Variants in CHERP observed in about 807,000 individuals in gnomAD.
CHERP encodes the protein calcium homeostasis endoplasmic reticulum protein.
A neutral mutation model predicts 113.8 loss-of-function variants in CHERP; 8 were observed. That is an observed-to-expected ratio of 0.07 (90% CI 0.04 to 0.13). The LOEUF (loss-of-function observed/expected upper bound fraction) is 0.13. CHERP is among the 10% of genes least tolerant of loss of function. The pLI, the probability that CHERP is intolerant of heterozygous loss-of-function variation, is 1.00. For missense variants in CHERP, 884 were observed against 1,298.2 expected, an observed-to-expected ratio of 0.68 and a Z score of 4.90; for synonymous variants, 559 against 524.5, an observed-to-expected ratio of 1.07 and a Z score of -0.90.
At position 16,525,344 on chromosome 19, in the gene CHERP, A is replaced by G; in HGVS notation, c.1639T>C (p.Phe547Leu). 6.8e-7 allele frequency: 1 copy of G among 1,480,358 alleles called. No individual in the cohort carries two copies. The highest frequency in any genetic ancestry group is 9.0e-7 in the Non-Finnish European group (1 of 1,114,388). The allele number at this position is 1,480,358 out of a possible 1,614,324, so 91.7% of individuals were successfully genotyped here. The change falls in exon 10 of 17, where the codon TTC (phenylalanine) becomes CTC (leucine). Residue 547 changes from phenylalanine to leucine, a missense_variant. Phe to Leu is a conservative substitution (Grantham distance 22, BLOSUM62 0). This residue lies in a region of CHERP where 464 missense variants were observed against 590.1 expected (regional missense o/e 0.79). Coordinates refer to ENST00000546361, the MANE Select transcript of CHERP (RefSeq NM_006387.6). The surrounding 1 kb of genome is among the most constrained non-coding windows in gnomAD (Gnocchi z 6.5). ...TCGTCCTGCATGAAGCGGGGCGGGA[A>G]GCGGTTGAAGTTGTGGGGGTGCGGA... ...QPPHPHNFNR[F>L]PPRFMQDDFP...
intron 12 of CHERP, 98 bp from the exon 13 acceptor site, chr19:16,521,010 T>A (rs779091136): frequency 1.4e-4 from 147 of 1,035,316 alleles, no homozygotes; most frequent in Non-Finnish European, 2.1e-4. Context: ...CCTTGGAGAG[T>A]ACATGGCCCT....
In CHERP at chr19:16,535,431, G is replaced by C; in HGVS notation, c.384+21C>G. The C allele has an allele frequency of 1.2e-6, 2 of 1,602,802 alleles. No homozygotes were observed. The highest frequency in any genetic ancestry group is 1.7e-6 in the Non-Finnish European group (2 of 1,175,328). Reference sequence around the variant, plus strand: ...ACAGGGGAGCTGCTGGTGTCTGGCCGAGGAGGCGGCGGGCCCATACCTGTC... The same window carrying C: ...ACAGGGGAGCTGCTGGTGTCTGGCCCAGGAGGCGGCGGGCCCATACCTGTC... On this transcript the variant is annotated intron_variant, in intron 3 of 16. Transcript: ENST00000546361. This position sits in a 1 kb window ranked among gnomAD's most constrained non-coding sequence, Gnocchi z 4.3.
At chr19:16,527,699 T>C (rs900200252) in intron 9 of CHERP, among the ~76,000 whole-genome samples, 3 of 152,180 alleles carry the variant, frequency 2.0e-5, no homozygotes, top group African/African-American at 7.2e-5. Flanking sequence ...CCCCCTTTCC[T>C]TACAAAAGCA....
At position 16,519,218 on chromosome 19, in the gene CHERP, G is replaced by C; in HGVS notation, c.2692C>G (p.Arg898Gly). The change falls in exon 17 of 17, where the codon CGC becomes GGC. Residue 898 changes from arginine to glycine, a missense_variant. Around this residue, in one of 8 missense-constraint regions of CHERP, gnomAD observed 42 missense variants for 105.1 expected, o/e 0.40. Coordinates refer to ENST00000546361, the MANE Select transcript of CHERP (RefSeq NM_006387.6). This position sits in a 1 kb window ranked among gnomAD's most constrained non-coding sequence, Gnocchi z 6.0. ...VALDDPYENY[R>G]RNKSYSFIAR... ...ATGAAGGAGTAGCTCTTGTTCCTGC[G>C]GTAGTTCTCATAGGGGTCATCCAGA... 1 of 1,613,994 alleles carries C rather than the reference G, an allele frequency of 6.2e-7. No individual in the cohort carries two copies. Among genetic ancestry groups the C allele is most frequent in the Non-Finnish European group, 8.5e-7 (1 of 1,180,020 alleles).
chr19:16,520,033 G>A lies in CHERP; in HGVS notation c.2462+116C>T, dbSNP rs913982485. ...AAGGGTGAGGGGTGCCACTGTCCCC[G>A]GGCTAATGCTGGCGGCCTCCTAACA... On this transcript the variant is annotated intron_variant, in intron 15 of 16. Coordinates refer to ENST00000546361, the MANE Select transcript of CHERP (RefSeq NM_006387.6). This position sits in a 1 kb window ranked among gnomAD's most constrained non-coding sequence, Gnocchi z 4.0. 14 of 1,093,138 alleles carry A rather than the reference G, an allele frequency of 1.3e-5. No homozygotes were observed. The highest frequency in any genetic ancestry group is 1.6e-5 in the Non-Finnish European group (12 of 738,168). The allele number at this position is 1,093,138 out of a possible 1,614,324, so 67.7% of individuals were successfully genotyped here. A position where few individuals can be genotyped will look rare whatever the true frequency, so the allele number is the denominator to read the frequency against.
At chr19:16,539,299 T>C (rs370844728) in intron 2 of CHERP, among the ~76,000 whole-genome samples, 39 of 151,366 alleles carry the variant, frequency 2.6e-4, no homozygotes, top group African/African-American at 8.7e-4. Flanking sequence ...AGGCGCCCGC[T>C]ACCACGCCTG....
rs770925951 is a variant in CHERP, at chr19:16,532,712, G to A, written c.560C>T (p.Pro187Leu). The change falls in exon 5 of 17, where the codon CCG becomes CTG. Residue 187 changes from proline (P) to leucine (L), a missense_variant. By Grantham distance (98) the Pro-to-Leu change is moderately conservative (BLOSUM62 -3). Transcript: ENST00000546361. This position sits in a 1 kb window ranked among gnomAD's most constrained non-coding sequence, Gnocchi z 4.4. ...GCCGGCCATCAGCTCACAGTGCGGC[G>A]GGGACTTGGCATTGCTGAACATCCA... ...KNWMFSNAKS[P>L]PHCELMAGHL... is the part of the protein sequence containing the mutation. 5 of 1,613,044 alleles carry A rather than the reference G, an allele frequency of 3.1e-6. No individual in the cohort carries two copies. Among genetic ancestry groups the A allele is most frequent in the Non-Finnish European group, 3.4e-6 (4 of 1,179,504 alleles).
At position 16,528,063 on chromosome 19, in the gene CHERP, C is replaced by T. The variant is rs772064317; in HGVS notation, c.1305+17G>A. The T allele has an allele frequency of 6.2e-7, 1 of 1,611,850 alleles. No individual in the cohort carries two copies. Among genetic ancestry groups the T allele is most frequent in the East Asian group, 2.2e-5 (1 of 44,858 alleles). Reference sequence around the variant, plus strand: ...AAGTGTGCCCCATCTGCTCCCACCCCAGGTTCCAATCAATACCTGCTGCTG... The same window carrying T: ...AAGTGTGCCCCATCTGCTCCCACCCTAGGTTCCAATCAATACCTGCTGCTG... On this transcript the variant is annotated intron_variant, in intron 9 of 16. Coordinates refer to ENST00000546361, the MANE Select transcript of CHERP (RefSeq NM_006387.6).
chr19:16,520,827 T>C lies in CHERP; in HGVS notation c.2200A>G (p.Ser734Gly), dbSNP rs1263783139. The change falls in exon 13 of 17, where the codon AGC (serine) becomes GGC (glycine). Residue 734 changes from serine (S) to glycine (G), a missense_variant and splice_region_variant. By Grantham distance (56) the Ser-to-Gly change is moderately conservative. Transcript: ENST00000546361. The surrounding 1 kb of genome is among the most constrained non-coding windows in gnomAD (Gnocchi z 4.0). ...CACTGCAGACATCTGCGCTTTTACCTGTTCCTCTTCTCCTGGCCTTTCCTC... is the reference window on the plus strand; with the variant it reads ...CACTGCAGACATCTGCGCTTTTACCCGTTCCTCTTCTCCTGGCCTTTCCTC... ...RRRKGQEKRN[S>G]GPSRSRSRSK... 6 of 1,613,688 alleles carry C rather than the reference T, an allele frequency of 3.7e-6. No homozygotes were observed. The South Asian group carries it at 5.5e-5, about 15-fold the overall frequency.
At chr19:16,537,380 C>T (rs974981425) in intron 2 of CHERP, among the ~76,000 whole-genome samples, 4 of 152,102 alleles carry the variant, frequency 2.6e-5, no homozygotes, top group South Asian at 4.1e-4. Context: ...ACGCAACCGC[C>T]GGGCAACATG....
rs777629517 is a variant in CHERP at position 16,528,066 on chromosome 19, G to A, written c.1305+14C>T. On this transcript the variant is annotated intron_variant, in intron 9 of 16. Coordinates refer to ENST00000546361, the MANE Select transcript of CHERP (RefSeq NM_006387.6). Reference sequence around the variant, plus strand: ...TGTGCCCCATCTGCTCCCACCCCAGGTTCCAATCAATACCTGCTGCTGGCC... The same window carrying A: ...TGTGCCCCATCTGCTCCCACCCCAGATTCCAATCAATACCTGCTGCTGGCC... 1 of 1,612,004 alleles carries A rather than the reference G, an allele frequency of 6.2e-7. No individual in the cohort carries two copies. Among genetic ancestry groups the A allele is most frequent in the South Asian group, 1.1e-5 (1 of 91,004 alleles).
At chr19:16,540,257 G>T (rs928632545) in intron 2 of CHERP, among the ~76,000 whole-genome samples, 2 of 151,570 alleles carry the variant, frequency 1.3e-5, no homozygotes, top group African/African-American at 4.9e-5. Flanking sequence ...AGTAGAGATG[G>T]GGTTTCACCA....
chr19:16,542,198 C>G, intron 1 of CHERP, 155 bp from the exon 2 acceptor site: 1 of 1,080,218 alleles, frequency 9.3e-7, no homozygotes, highest in South Asian at 1.9e-5. Context: ...GGGCCACACG[C>G]TCGCCGGGAA....
chr19:16,530,677 G>A lies in CHERP; in HGVS notation c.787-3C>T, dbSNP rs985045205. 24 of 1,614,002 alleles carry A rather than the reference G, an allele frequency of 1.5e-5. No individual in the cohort carries two copies. Among genetic ancestry groups the A allele is most frequent in the Non-Finnish European group, 2.0e-5 (24 of 1,179,850 alleles). ...TTTTTCTCCCAGAGCTGCAGGAGCT[G>A]GCGGTGGGAGGAGAGAGAGGCCGGG... is the stretch of plus-strand genomic sequence containing the variant. On this transcript the variant is annotated splice_region_variant and splice_polypyrimidine_tract_variant and intron_variant, in intron 6 of 16. Coordinates refer to ENST00000546361, the MANE Select transcript of CHERP (RefSeq NM_006387.6). This position sits in a 1 kb window ranked among gnomAD's most constrained non-coding sequence, Gnocchi z 4.1.
In CHERP at chr19:16,521,758, C is replaced by T. The variant is rs1176678246; in HGVS notation, c.1981-104G>A. The T allele has an allele frequency of 4.4e-6, 5 of 1,127,922 alleles. No individual in the cohort carries two copies. In the Admixed American group the frequency reaches 1.4e-4, roughly 32 times the overall value. The allele number at this position is 1,127,922 out of a possible 1,614,324, so 69.9% of individuals were successfully genotyped here. A position where few individuals can be genotyped will look rare whatever the true frequency, so the allele number is the denominator to read the frequency against. On this transcript the variant is annotated intron_variant, in intron 11 of 16. Transcript: ENST00000546361. ...TCAGGGCAGGGCCCAGGTTCAGTGT[C>T]AAGGGTACCCTGGGCACCAGAGCTC...
intron 9 of CHERP, among the ~76,000 whole-genome samples, chr19:16,527,480 C>A (rs1187988287): frequency 6.6e-6 from 1 of 152,202 alleles, no homozygotes; most frequent in Non-Finnish European, 1.5e-5. Context: ...GCGAAGCCAA[C>A]CAGGCCCCAC....
In CHERP at chr19:16,530,754, C is replaced by T; in HGVS notation, c.786+15G>A. On this transcript the variant is annotated intron_variant, in intron 6 of 16. Transcript: ENST00000546361. The surrounding 1 kb of genome is among the most constrained non-coding windows in gnomAD (Gnocchi z 4.1). ...GTCCCGGTCTTGCCCAACCCCCGGC[C>T]CGGGGCCCACGCACCCGGGCGATCT... is the stretch of plus-strand genomic sequence containing the variant. 1.2e-6 allele frequency: 2 copies of T among 1,613,916 alleles called. No homozygotes were observed. The highest frequency in any genetic ancestry group is 1.1e-5 in the South Asian group (1 of 91,074).
chr19:16,523,998 T>C lies in CHERP; in HGVS notation c.1742-708A>G, dbSNP rs2085639811. On this transcript the variant is annotated intron_variant, in intron 10 of 16. Transcript: ENST00000546361. The surrounding 1 kb of genome is among the most constrained non-coding windows in gnomAD (Gnocchi z 4.0). ...TGGGCATGGTGGCTCACGCCTGTAATCTCAGCACTTTGGGAGGCCAAGGCG... is the reference window on the plus strand; with the variant it reads ...TGGGCATGGTGGCTCACGCCTGTAACCTCAGCACTTTGGGAGGCCAAGGCG... Among the ~76,000 whole-genome samples the C allele has an allele frequency of 3.9e-5, 6 of 152,200 alleles. No individual in the cohort carries two copies. In the South Asian group the frequency reaches 1.2e-3, roughly 32 times the overall value.
Position 16,530,925 on chromosome 19 carries a change from C to T in CHERP, c.675-45G>A. 6.3e-7 allele frequency: 1 copy of T among 1,597,552 alleles called. No homozygotes were observed. Among genetic ancestry groups the T allele is most frequent in the Non-Finnish European group, 8.5e-7 (1 of 1,173,536 alleles). On this transcript the variant is annotated intron_variant, in intron 5 of 16. Transcript: ENST00000546361. The surrounding 1 kb of genome is among the most constrained non-coding windows in gnomAD (Gnocchi z 4.1). ...CGCGCGTCAGGGCCCTGGGGCGGGA[C>T]CCGGCCACGCGCCCGTTACCATCGC... is the stretch of plus-strand genomic sequence containing the variant.
Sources: allele counts gnomAD v4.1 joint callset (sites outside exome capture counted in the v4.1 genomes callset), GRCh38; gene constraint gnomAD v4.1.1; regional missense constraint gnomAD v4.1.1; non-coding constraint Gnocchi (gnomAD v3.1); transcripts MANE v1.5; gene names NCBI Gene and HGNC (gene_info 2026-07-23, HGNC 2026-07-21).